Variants in YIPF4 observed in about 807,000 individuals in gnomAD.
YIPF4 encodes protein YIPF4.
A neutral mutation model predicts 29.4 loss-of-function variants in YIPF4; 18 were observed. That is an observed-to-expected ratio of 0.61 (90% CI 0.42 to 0.91). The LOEUF is 0.91. Among genes scored for constraint, YIPF4 ranks in the 40% least tolerant of loss-of-function variants. YIPF4 has a pLI of 0.00. For missense variants in YIPF4, 279 were observed against 282.7 expected, an observed-to-expected ratio of 0.99 and a Z score of 0.09; for synonymous variants, 115 against 104.7, an observed-to-expected ratio of 1.10 and a Z score of -0.60.
intron 5 of YIPF4, among the ~76,000 whole-genome samples, chr2:32,302,325 G>A (rs559827995): frequency 5.9e-5 from 9 of 152,156 alleles, no homozygotes; most frequent in African/African-American, 2.2e-4. Flanking sequence ...CACTGCTCCC[G>A]GCTGGTCAGC....
intron 1 of YIPF4, among the ~76,000 whole-genome samples, chr2:32,288,352 A>G (rs528998974): frequency 6.6e-6 from 1 of 152,228 alleles, no homozygotes; most frequent in East Asian, 1.9e-4. Flanking sequence ...TTAGCACTAT[A>G]ATTTATATAT....
intron 5 of YIPF4, among the ~76,000 whole-genome samples, chr2:32,305,045 T>A (rs1384660990): frequency 6.6e-6 from 1 of 152,142 alleles, no homozygotes; most frequent in Non-Finnish European, 1.5e-5. Context: ...AAAGGAAAAT[T>A]TCCTACTTTG....
rs1265876357 is a variant in YIPF4 at position 32,314,507 on chromosome 2, C to T, written c.*8881C>T. On this transcript the variant is annotated 3_prime_UTR_variant, in exon 6 of 6. Coordinates refer to ENST00000238831, the MANE Select transcript of YIPF4 (RefSeq NM_032312.4). ...TGACCAACATGGAGAAACCCCATCT[C>T]TACTAAAAATACAAAATTAGCTGGG... The T allele has an allele frequency of 3.3e-5, 5 of 152,146 alleles. No homozygotes were observed. The highest frequency in any genetic ancestry group is 1.2e-4 in the African/African-American group (5 of 41,436). 9.4% of individuals were successfully genotyped at this position (152,146 alleles called of 1,614,324 possible).
chr2:32,304,672 C>T lies in YIPF4; in HGVS notation c.598-817C>T, dbSNP rs533679332. Among the ~76,000 whole-genome samples, 81 of 152,302 alleles carry T rather than the reference C, an allele frequency of 5.3e-4. 1 individual carries two copies. Among genetic ancestry groups the T allele is most frequent in the African/African-American group, 1.8e-3 (76 of 41,570 alleles). ...GATAGCTCCCCACAGCCAAGAAGTA[C>T]GCAGCCTAAAACGTCAATATTGCAA... On this transcript the variant is annotated intron_variant, in intron 5 of 5. Coordinates refer to ENST00000238831, the MANE Select transcript of YIPF4 (RefSeq NM_032312.4).
At chr2:32,293,724 C>A (rs1180590581) in intron 3 of YIPF4, among the ~76,000 whole-genome samples, 1 of 150,002 alleles carries the variant, frequency 6.7e-6, no homozygotes, top group Non-Finnish European at 1.5e-5. Flanking sequence ...GGGGGGCTGA[C>A]CCCCCAACCT....
chr2:32,294,350 C>T (rs2031079105), intron 3 of YIPF4, among the ~76,000 whole-genome samples: 1 of 149,590 alleles, frequency 6.7e-6, no homozygotes, highest in African/African-American at 2.5e-5. Context: ...ACTTCTCAGA[C>T]AGGGCGGCTG....
rs1219956626 is a variant in YIPF4 at position 32,280,150 on chromosome 2, C to T, written c.79+1916C>T. On this transcript the variant is annotated intron_variant, in intron 1 of 5. Coordinates refer to ENST00000238831, the MANE Select transcript of YIPF4 (RefSeq NM_032312.4). Reference sequence around the variant, plus strand: ...ATATATATATATTTTTTTTTTGAGGCGGAGTCTCACTTTGTCACCCAGGCT... The same window carrying T: ...ATATATATATATTTTTTTTTTGAGGTGGAGTCTCACTTTGTCACCCAGGCT... 7.2e-4 allele frequency among the ~76,000 whole-genome samples: 108 copies of T among 149,468 alleles called. 1 individual carries two copies. The highest frequency in any genetic ancestry group is 2.4e-3 in the African/African-American group (97 of 40,420).
At chr2:32,284,492 T>G (rs1466715480) in intron 1 of YIPF4, among the ~76,000 whole-genome samples, 2 of 152,088 alleles carry the variant, frequency 1.3e-5, no homozygotes, top group African/African-American at 2.4e-5. Context: ...AAGGTCTGGT[T>G]TTTTAAAAGG....
At chr2:32,300,224 A>G (rs954890466) in intron 4 of YIPF4, among the ~76,000 whole-genome samples, 1 of 149,858 alleles carries the variant, frequency 6.7e-6, no homozygotes, top group Admixed American at 6.7e-5. Context: ...CATGATCGCA[A>G]CATTGCACTT....
intron 1 of YIPF4, among the ~76,000 whole-genome samples, chr2:32,283,264 T>A (rs936584831): frequency 1.3e-5 from 2 of 152,290 alleles, no homozygotes; most frequent in South Asian, 2.1e-4. Context: ...ACTGTACAAC[T>A]CCGGGTCTTT....
rs1433001537 is a variant in YIPF4 at position 32,301,439 on chromosome 2, A to G, written c.541A>G (p.Ile181Val). 1 of 1,613,760 alleles carries G rather than the reference A, an allele frequency of 6.2e-7. No individual in the cohort carries two copies. Among genetic ancestry groups the G allele is most frequent in the African/African-American group, 1.3e-5 (1 of 74,904 alleles). Residue 181 changes from isoleucine to valine, a missense_variant, in exon 5 of 6, where the codon ATA becomes GTA. Physicochemically the swap from Ile to Val is conservative, Grantham distance 29. Coordinates refer to ENST00000238831, the MANE Select transcript of YIPF4 (RefSeq NM_032312.4). ...IGYSLLPLIV[I>V]APVLLVVGSF... is the part of the protein sequence containing the mutation. Reference sequence around the variant, plus strand: ...ATATTCATTACTTCCTCTCATTGTAATAGCCCCTGTACTTTTGGTGGTTGG... The same window carrying G: ...ATATTCATTACTTCCTCTCATTGTAGTAGCCCCTGTACTTTTGGTGGTTGG...
At chr2:32,283,466 TTGG>T (rs2030523677) in intron 1 of YIPF4, among the ~76,000 whole-genome samples, 2 of 152,162 alleles carry the variant, frequency 1.3e-5, no homozygotes, top group African/African-American at 4.8e-5. Flanking sequence ...AAAATGTGCT[TTGG>T]TGTTTTGTCT....
rs1261492990 is a variant in YIPF4, at chr2:32,292,159, T to C, written c.234-18T>C. On this transcript the variant is annotated intron_variant, in intron 2 of 5. Coordinates refer to ENST00000238831, the MANE Select transcript of YIPF4 (RefSeq NM_032312.4). ...CAGAAATGTGTGCCTTTTGAGAATT[T>C]TTATTTTAAAATTATAGGGAAGAAT... 2 of 1,413,750 alleles carry C rather than the reference T, an allele frequency of 1.4e-6. No homozygotes were observed. Among genetic ancestry groups the C allele is most frequent in the Middle Eastern group, 1.9e-4 (1 of 5,192 alleles). The allele number at this position is 1,413,750 out of a possible 1,614,324, so 87.6% of individuals were successfully genotyped here.
At chr2:32,279,695 C>T (rs1265654530) in intron 1 of YIPF4, among the ~76,000 whole-genome samples, 1 of 151,738 alleles carries the variant, frequency 6.6e-6, no homozygotes, top group Non-Finnish European at 1.5e-5. Flanking sequence ...AGGCGTGAGC[C>T]ACCGCGCCCG....
Position 32,289,234 on chromosome 2 carries a change from C to G in YIPF4, c.80-1249C>G, listed in dbSNP as rs1459981821. Among the ~76,000 whole-genome samples, 5 of 152,216 alleles carry G rather than the reference C, an allele frequency of 3.3e-5. No individual in the cohort carries two copies. In the East Asian group the frequency reaches 9.6e-4, roughly 29 times the overall value. Reference sequence around the variant, plus strand: ...CCTGGAAAGAACTTTGAATAGGAAACTAGGGCCCGGAAAACATGAATGATT... The same window carrying G: ...CCTGGAAAGAACTTTGAATAGGAAAGTAGGGCCCGGAAAACATGAATGATT... On this transcript the variant is annotated intron_variant, in intron 1 of 5. Transcript: ENST00000238831.
rs1301523159 is a variant in YIPF4, at chr2:32,312,578, G to GCC, written c.*6953_*6954dup. 3 of 147,140 alleles carry GCC rather than the reference G, an allele frequency of 2.0e-5. No homozygotes were observed. The highest frequency in any genetic ancestry group is 7.6e-5 in the African/African-American group (3 of 39,442). 9.1% of individuals were successfully genotyped at this position (147,140 alleles called of 1,614,324 possible). The stretch of plus-strand genomic sequence containing the variant: ...AATAATAAAACATTGAGAAGAAACA[G>GCC]CCTTTGAATTTGGCACCCTGAATGT... On this transcript the variant is annotated 3_prime_UTR_variant, in exon 6 of 6. Coordinates refer to ENST00000238831, the MANE Select transcript of YIPF4 (RefSeq NM_032312.4).
chr2:32,286,246 G>A (rs1408077122), intron 1 of YIPF4, among the ~76,000 whole-genome samples: 1 of 152,156 alleles, frequency 6.6e-6, no homozygotes, highest in Non-Finnish European at 1.5e-5. Context: ...CAGTGTCAGT[G>A]TCCTGAATTT....
chr2:32,293,425 A>T (rs2031008746), intron 3 of YIPF4, among the ~76,000 whole-genome samples: 1 of 152,248 alleles, frequency 6.6e-6, no homozygotes, highest in African/African-American at 2.4e-5. Context: ...CCAGATCAAC[A>T]GGATCCCAAG....
chr2:32,301,247 G>T, intron 4 of YIPF4, 135 bp from the exon 5 acceptor site: 1 of 574,414 alleles, frequency 1.7e-6, no homozygotes, highest in Admixed American at 3.4e-5. Context: ...TTGAAATAAT[G>T]AGTATAATAG....
Sources: gnomAD v4.1 joint callset for allele counts (sites outside exome capture counted in the v4.1 genomes callset) on GRCh38, gnomAD v4.1.1 for gene constraint, MANE v1.5 for transcripts, NCBI Gene and HGNC (gene_info 2026-07-23, HGNC 2026-07-21) for gene names.